Variants in PTPRO observed in about 807,000 individuals in gnomAD.
The protein encoded by PTPRO is protein tyrosine phosphatase receptor type O, also known as receptor-type tyrosine-protein phosphatase O.
A neutral mutation model predicts 145.2 loss-of-function variants in PTPRO; 62 were observed. That is an observed-to-expected ratio of 0.43 (90% CI 0.35 to 0.53). The LOEUF is 0.53. Ranked by LOEUF, PTPRO falls within the 20% of genes least tolerant of loss-of-function variation. The pLI, the probability that PTPRO is intolerant of heterozygous loss-of-function variation, is 0.01. For synonymous variants in PTPRO, 565 were observed against 514.7 expected, an observed-to-expected ratio of 1.10 and a Z score of -1.32; for missense variants, 1,345 against 1,482.7, an observed-to-expected ratio of 0.91 and a Z score of 1.53.
chr12:15,471,804 G>A (rs1008394177), intron 1 of PTPRO, among the ~76,000 whole-genome samples: 1 of 152,166 alleles, frequency 6.6e-6, no homozygotes, highest in Non-Finnish European at 1.5e-5. Flanking sequence ...ACTAGAGAGA[G>A]GCCATCTCTG....
At chr12:15,519,782 C>G (rs758018498) in intron 9 of PTPRO, among the ~76,000 whole-genome samples, 4 of 152,170 alleles carry the variant, frequency 2.6e-5, no homozygotes, top group South Asian at 2.1e-4. Flanking sequence ...ACAAAGTACA[C>G]AATTACCCTC....
intron 16 of PTPRO, among the ~76,000 whole-genome samples, chr12:15,559,264 G>T (rs527824324): frequency 6.6e-6 from 1 of 152,264 alleles, no homozygotes; most frequent in East Asian, 1.9e-4. Flanking sequence ...AGCACATTTT[G>T]CAGCTCTTCA....
chr12:15,399,281 A>G (rs1939425398), intron 1 of PTPRO, among the ~76,000 whole-genome samples: 1 of 152,224 alleles, frequency 6.6e-6, no homozygotes, highest in South Asian at 2.1e-4. Context: ...TTTTACATAT[A>G]TTAACATATG....
At chr12:15,425,269 C>G (rs1257450872) in intron 1 of PTPRO, among the ~76,000 whole-genome samples, 1 of 152,086 alleles carries the variant, frequency 6.6e-6, no homozygotes, top group Non-Finnish European at 1.5e-5. Flanking sequence ...AAGTTTTATT[C>G]TAATGTTTTT....
At chr12:15,370,564 G>T (rs985488102) in intron 1 of PTPRO, among the ~76,000 whole-genome samples, 1 of 152,080 alleles carries the variant, frequency 6.6e-6, no homozygotes, top group African/African-American at 2.4e-5. Flanking sequence ...TATCTAGGAA[G>T]GCTAAAACAA....
chr12:15,524,849 T>G lies in PTPRO; in HGVS notation c.1927T>G (p.Phe643Val), dbSNP rs780648755. 1 of 1,613,776 alleles carries G rather than the reference T, an allele frequency of 6.2e-7. No homozygotes were observed. The highest frequency in any genetic ancestry group is 8.5e-7 in the Non-Finnish European group (1 of 1,179,666). ...VAPEITSVEY[F>V]NSLLYISWTY... Reference sequence around the variant, plus strand: ...TCCGGAAATCACTTCTGTGGAATATTTCAACAGTCTGTTATATATCAGTTG... The same window carrying G: ...TCCGGAAATCACTTCTGTGGAATATGTCAACAGTCTGTTATATATCAGTTG... Residue 643 changes from phenylalanine (F) to valine (V), a missense_variant, in exon 11 of 27, where the codon TTC (phenylalanine) becomes GTC (valine). By Grantham distance (50) the Phe-to-Val change is conservative. This residue lies in a region of PTPRO where 1,130 missense variants were observed against 1,214.7 expected (regional missense o/e 0.93). Transcript: ENST00000281171.
At chr12:15,552,403 C>T (rs976281833) in intron 15 of PTPRO, among the ~76,000 whole-genome samples, 1 of 152,164 alleles carries the variant, frequency 6.6e-6, no homozygotes, top group African/African-American at 2.4e-5. Flanking sequence ...CCAATATTAA[C>T]CTGCTGAATT....
At chr12:15,426,062 G>T (rs1940277565) in intron 1 of PTPRO, among the ~76,000 whole-genome samples, 1 of 151,092 alleles carries the variant, frequency 6.6e-6, no homozygotes, top group African/African-American at 2.4e-5. Flanking sequence ...TAGAATATAG[G>T]GTGTCTTTTC....
chr12:15,421,514 A>G (rs1163879404), intron 1 of PTPRO, among the ~76,000 whole-genome samples: 1 of 152,230 alleles, frequency 6.6e-6, no homozygotes, highest in Non-Finnish European at 1.5e-5. Context: ...AGCAGTAAGT[A>G]CCAAATGCTG....
chr12:15,534,277 C>T (rs565849084), intron 12 of PTPRO, among the ~76,000 whole-genome samples: 11 of 151,626 alleles, frequency 7.3e-5, no homozygotes, highest in African/African-American at 2.4e-4. Context: ...AATCAGTTTC[C>T]CAACCTTAAA....
chr12:15,474,233 T>G (rs1941605672), intron 1 of PTPRO, among the ~76,000 whole-genome samples: 2 of 152,208 alleles, frequency 1.3e-5, no homozygotes, highest in African/African-American at 4.8e-5. Flanking sequence ...TTTCCTTCAA[T>G]TCTGACTAGA....
At chr12:15,387,452 T>C (rs1188366455) in intron 1 of PTPRO, among the ~76,000 whole-genome samples, 2 of 152,188 alleles carry the variant, frequency 1.3e-5, no homozygotes, top group Non-Finnish European at 2.9e-5. Context: ...CACAATGCCA[T>C]TCCTCATGCT....
rs555199615 is a variant in PTPRO, at chr12:15,597,679, A to T, written c.*1606A>T. Among the ~76,000 whole-genome samples the T allele has an allele frequency of 6.6e-6, 1 of 152,302 alleles. No individual in the cohort carries two copies. The highest frequency in any genetic ancestry group is 2.1e-4 in the South Asian group (1 of 4,826). ...CCAGTGAGTCTCAGTTTCACCTTGCAGGGTGAATGGCAGAGGATGCCCATA... is the reference window on the plus strand; with the variant it reads ...CCAGTGAGTCTCAGTTTCACCTTGCTGGGTGAATGGCAGAGGATGCCCATA... On this transcript the variant is annotated 3_prime_UTR_variant, in exon 27 of 27. Coordinates refer to ENST00000281171, the MANE Select transcript of PTPRO (RefSeq NM_030667.3).
At chr12:15,514,135 TG>T (rs1942524139) in intron 7 of PTPRO, among the ~76,000 whole-genome samples, 1 of 152,140 alleles carries the variant, frequency 6.6e-6, no homozygotes, top group South Asian at 2.1e-4. Flanking sequence ...ATATGGTATT[TG>T]TTACGTATCC....
chr12:15,424,859 G>A (rs1166476022), intron 1 of PTPRO, among the ~76,000 whole-genome samples: 1 of 152,084 alleles, frequency 6.6e-6, no homozygotes, highest in African/African-American at 2.4e-5. Context: ...AAGTTAGTTG[G>A]ACCCAACTGT....
At chr12:15,508,547 T>A in intron 6 of PTPRO, 24 bp from the exon 7 acceptor site, 1 of 1,610,640 alleles carries the variant, frequency 6.2e-7, no homozygotes, top group Non-Finnish European at 8.5e-7. Flanking sequence ...CAGCCTCCCC[T>A]GTGTTCCAAT....
At position 15,580,722 on chromosome 12, in the gene PTPRO, T is replaced by C. The variant is rs1461752981; in HGVS notation, c.3023T>C (p.Ile1008Thr). 6.2e-7 allele frequency: 1 copy of C among 1,613,966 alleles called. No homozygotes were observed. The highest frequency in any genetic ancestry group is 8.5e-7 in the Non-Finnish European group (1 of 1,179,976). The change falls in exon 22 of 27, where the codon ATT (isoleucine) becomes ACT (threonine). Residue 1008 changes from isoleucine to threonine, a missense_variant. Ile to Thr is a moderately conservative substitution (Grantham distance 89, BLOSUM62 -1). Around this residue, in one of 3 missense-constraint regions of PTPRO, gnomAD observed 7 missense variants for 25.3 expected, o/e 0.28. Coordinates refer to ENST00000281171, the MANE Select transcript of PTPRO (RefSeq NM_030667.3). ...IPGYNSPQEY[I>T]ATQGPLPETR... ...GGATACAACTCACCCCAGGAGTATA[T>C]TGCCACCCAGGGGCCACTGCCTGAA...
chr12:15,411,441 G>A (rs1939797365), intron 1 of PTPRO, among the ~76,000 whole-genome samples: 1 of 152,202 alleles, frequency 6.6e-6, no homozygotes, highest in Non-Finnish European at 1.5e-5. Context: ...CACATTCTTT[G>A]TTCTTCCTGG....
At chr12:15,371,235 C>CTT (rs549514481) in intron 1 of PTPRO, among the ~76,000 whole-genome samples, 16 of 142,262 alleles carry the variant, frequency 1.1e-4, no homozygotes, top group East Asian at 1.0e-3. Context: ...CTCAAGCTCA[C>CTT]TATTTTTTTT....
Sources: allele counts gnomAD v4.1 joint callset (sites outside exome capture counted in the v4.1 genomes callset), GRCh38; gene constraint gnomAD v4.1.1; regional missense constraint gnomAD v4.1.1; transcripts MANE v1.5; gene names NCBI Gene and HGNC (gene_info 2026-07-23, HGNC 2026-07-21).